The following TMEM132D variants were observed in gnomAD, a reference collection of about 807,000 sequenced individuals.
The protein encoded by TMEM132D is transmembrane protein 132D.
In TMEM132D, 21 loss-of-function variants were observed where a neutral mutation model predicts 62.3. The ratio of observed to expected loss-of-function variants is 0.34; its 90% CI spans 0.24 to 0.49. The LOEUF (loss-of-function observed/expected upper bound fraction) is 0.49. TMEM132D is among the 20% of genes least tolerant of loss of function. TMEM132D has a pLI of 0.99. For missense variants in TMEM132D, 1,346 were observed against 1,402.8 expected (o/e 0.96, Z 0.65); for synonymous variants, 621 against 575.6 (o/e 1.08, Z -1.13).
chr12:129,198,112 G>A (rs1433070527), intron 5 of TMEM132D, among the ~76,000 whole-genome samples: 1 of 152,024 alleles, frequency 6.6e-6, no homozygotes, highest in African/African-American at 2.4e-5. Flanking sequence ...CTGTCAGAAT[G>A]GCTATTATTA....
intron 2 of TMEM132D, among the ~76,000 whole-genome samples, chr12:129,678,841 G>A (rs1022545139): frequency 2.6e-5 from 4 of 151,688 alleles, no homozygotes; most frequent in African/African-American, 4.8e-5. Flanking sequence ...TTTCTCATTT[G>A]GATAATTAGT....
intron 1 of TMEM132D, among the ~76,000 whole-genome samples, chr12:129,774,537 A>G (rs955049494): frequency 1.1e-4 from 16 of 152,222 alleles, no homozygotes; most frequent in African/African-American, 3.6e-4. Context: ...ATGGGGCAGT[A>G]AATACCAGAG....
At chr12:129,841,933 GT>G (rs68046668) in intron 1 of TMEM132D, among the ~76,000 whole-genome samples, 98 of 137,044 alleles carry the variant, frequency 7.2e-4, no homozygotes, top group Middle Eastern at 3.7e-3. Flanking sequence ...TGGTTTTCGT[GT>G]TTTTTTTTTT....
intron 1 of TMEM132D, among the ~76,000 whole-genome samples, chr12:129,826,170 T>G (rs1486469136): frequency 6.6e-6 from 1 of 152,176 alleles, no homozygotes; most frequent in African/African-American, 2.4e-5. Flanking sequence ...AGGTGACAAC[T>G]TCAAGGGCCG....
intron 1 of TMEM132D, among the ~76,000 whole-genome samples, chr12:129,765,582 A>G (rs1197105695): frequency 5.9e-5 from 8 of 136,018 alleles, no homozygotes; most frequent in Non-Finnish European, 1.1e-4. Flanking sequence ...AAAAAAAAAA[A>G]GACCCAGAAA....
intron 1 of TMEM132D, among the ~76,000 whole-genome samples, chr12:129,813,039 G>A (rs1280465344): frequency 3.3e-5 from 5 of 151,772 alleles, no homozygotes; most frequent in South Asian, 2.1e-4. Flanking sequence ...CCGTCTCGGC[G>A]CAGAACACCA....
At chr12:129,622,210 C>G (rs1879090827) in intron 2 of TMEM132D, among the ~76,000 whole-genome samples, 1 of 152,154 alleles carries the variant, frequency 6.6e-6, no homozygotes, top group Non-Finnish European at 1.5e-5. Context: ...CAGAAGCCAG[C>G]AAGAGTCCAC....
At chr12:129,571,445 G>T (rs138300187) in intron 2 of TMEM132D, among the ~76,000 whole-genome samples, 1 of 152,140 alleles carries the variant, frequency 6.6e-6, no homozygotes, top group East Asian at 1.9e-4. Context: ...GGTGGCGCAC[G>T]TCTACAGTCC....
chr12:129,576,969 G>A (rs114031576), intron 2 of TMEM132D, among the ~76,000 whole-genome samples: 3,541 of 151,804 alleles, frequency 0.023, 228 homozygotes, highest in African/African-American at 0.081. Flanking sequence ...TGGCAACCAT[G>A]GCTGCAGACC....
chr12:129,242,394 G>A (rs1253014403), intron 4 of TMEM132D, among the ~76,000 whole-genome samples: 1 of 152,158 alleles, frequency 6.6e-6, no homozygotes, highest in Non-Finnish European at 1.5e-5. Context: ...TAGACCTTTT[G>A]CTTTAAAGTC....
At chr12:129,629,284 C>CA (rs1469504964) in intron 2 of TMEM132D, among the ~76,000 whole-genome samples, 8 of 152,206 alleles carry the variant, frequency 5.3e-5, no homozygotes, top group Admixed American at 5.2e-4. Context: ...TCCACATTAT[C>CA]AGAGCCCCAG....
At chr12:129,403,868 C>A (rs914133779) in intron 3 of TMEM132D, among the ~76,000 whole-genome samples, 5 of 152,064 alleles carry the variant, frequency 3.3e-5, no homozygotes, top group African/African-American at 1.2e-4. Flanking sequence ...GAGGGGTAGC[C>A]AAGGGATATC....
intron 4 of TMEM132D, among the ~76,000 whole-genome samples, chr12:129,237,851 G>A (rs939715989): frequency 6.6e-6 from 1 of 151,936 alleles, no homozygotes; most frequent in African/African-American, 2.4e-5. Flanking sequence ...ACGGTGGCAG[G>A]AACCTGTAAT....
chr12:129,103,076 C>CA (rs936887677), intron 5 of TMEM132D, among the ~76,000 whole-genome samples: 52 of 152,322 alleles, frequency 3.4e-4, no homozygotes, highest in African/African-American at 1.2e-3. Flanking sequence ...TCCACCCTTC[C>CA]ATGCTCTGTT....
chr12:129,332,955 A>G (rs574686854), intron 4 of TMEM132D, among the ~76,000 whole-genome samples: 1 of 152,362 alleles, frequency 6.6e-6, no homozygotes, highest in Admixed American at 6.5e-5. Context: ...ACAATGAGAA[A>G]ATACTTAACA....
intron 3 of TMEM132D, among the ~76,000 whole-genome samples, chr12:129,470,943 A>C (rs899936410): frequency 6.6e-6 from 1 of 152,196 alleles, no homozygotes; most frequent in African/African-American, 2.4e-5. Context: ...AGAAGAGAGT[A>C]GAGATGACAT....
chr12:129,174,411 T>A (rs1877840134), intron 5 of TMEM132D, among the ~76,000 whole-genome samples: 1 of 152,228 alleles, frequency 6.6e-6, no homozygotes, highest in African/African-American at 2.4e-5. Context: ...CATGATCTCA[T>A]GTATTTTTAT....
intron 5 of TMEM132D, among the ~76,000 whole-genome samples, chr12:129,156,223 T>A (rs1322894770): frequency 6.6e-6 from 1 of 150,790 alleles, no homozygotes; most frequent in Non-Finnish European, 1.5e-5. Context: ...ATCCCCAAGA[T>A]AACTAACCCA....
intron 1 of TMEM132D, among the ~76,000 whole-genome samples, chr12:129,722,493 C>T (rs1358550313): frequency 6.6e-6 from 1 of 152,152 alleles, no homozygotes; most frequent in African/African-American, 2.4e-5. Context: ...TTGGAGATTA[C>T]AGAAAGGCCT....
Sources: allele counts gnomAD v4.1 joint callset (sites outside exome capture counted in the v4.1 genomes callset), GRCh38; gene constraint gnomAD v4.1.1; transcripts MANE v1.5; gene names NCBI Gene and HGNC (gene_info 2026-07-23, HGNC 2026-07-21).